The following TBC1D30 variants were observed in gnomAD, a reference collection of about 807,000 sequenced individuals.
TBC1D30 encodes TBC1 domain family member 30, also known as TBC1 domain family, member 30.
In TBC1D30, 31 loss-of-function variants were observed where a neutral mutation model predicts 63.2. The ratio of observed to expected loss-of-function variants is 0.49; its 90% CI spans 0.37 to 0.66. The LOEUF (loss-of-function observed/expected upper bound fraction) is 0.66. Ranked by LOEUF, TBC1D30 falls within the 30% of genes least tolerant of loss-of-function variation. The pLI, the probability that TBC1D30 is intolerant of heterozygous loss-of-function variation, is 0.00. For synonymous variants in TBC1D30, 307 were observed against 361.5 expected, an observed-to-expected ratio of 0.85 and a Z score of 1.71; for missense variants, 810 against 953.6, an observed-to-expected ratio of 0.85 and a Z score of 1.98.
chr12:64,764,261 A>G (rs776272812), intron 1 of TBC1D30, among the ~76,000 whole-genome samples: 7 of 152,090 alleles, frequency 4.6e-5, no homozygotes, highest in Non-Finnish European at 8.8e-5. Context: ...AATTTTTTCC[A>G]TAAATTGTTT....
At chr12:64,865,254 TG>T (rs761628363) in intron 9 of TBC1D30, among the ~76,000 whole-genome samples, 1 of 147,346 alleles carries the variant, frequency 6.8e-6, no homozygotes. Context: ...TCATACTAGA[TG>T]CCAGGGTAAA....
At position 64,828,445 on chromosome 12, in the gene TBC1D30, G is replaced by A; in HGVS notation, c.218G>A (p.Trp73Ter). ...PSLGQNGFQQWYDALKAVARL... is the reference protein window; with the variant it reads ...PSLGQNGFQQ Reference sequence around the variant, plus strand: ...CTGGGATTTCTTCTTTGTTCCTAGTGGTACGATGCTCTCAAGGCAGTTGCC... The same window carrying A: ...CTGGGATTTCTTCTTTGTTCCTAGTAGTACGATGCTCTCAAGGCAGTTGCC... Residue 73 changes from tryptophan to a stop codon, truncating the protein, a stop_gained and splice_region_variant, in exon 3 of 12, where the codon TGG becomes TAG. Coordinates refer to ENST00000539867, the MANE Select transcript of TBC1D30 (RefSeq NM_015279.2). LOFTEE classifies it high-confidence loss of function. 6.5e-7 allele frequency: 1 copy of A among 1,535,332 alleles called. No individual in the cohort carries two copies. The highest frequency in any genetic ancestry group is 8.7e-7 in the Non-Finnish European group (1 of 1,146,304).
chr12:64,849,194 G>T (rs948105362), intron 8 of TBC1D30, among the ~76,000 whole-genome samples: 1 of 152,168 alleles, frequency 6.6e-6, no homozygotes, highest in African/African-American at 2.4e-5. Context: ...CAAATGGATA[G>T]ATTACAAAAG....
At chr12:64,777,211 C>T (rs1871106634), upstream of TBC1D30, among the ~76,000 whole-genome samples, 1 of 152,106 alleles carries the variant, frequency 6.6e-6, no homozygotes, top group East Asian at 1.9e-4. Context: ...ACAAGGATGC[C>T]CTCTCCCACT....
In TBC1D30 at chr12:64,838,811, A is replaced by T; in HGVS notation, c.892A>T (p.Ile298Phe). Residue 298 changes from isoleucine to phenylalanine, a missense_variant, in exon 7 of 12, where the codon ATC becomes TTC. Ile to Phe is a conservative substitution (Grantham distance 21, BLOSUM62 0). Around this residue, in one of 4 missense-constraint regions of TBC1D30, gnomAD observed 83 missense variants for 121.5 expected, o/e 0.68. Transcript: ENST00000539867. ...DSVFFEGSEI[I>F]LRVSLAIWAK... ...AGTCTTCTTTGAAGGTTCAGAAATCATCCTAAGGGTGTCGCTGGCTATCTG... is the reference window on the plus strand; with the variant it reads ...AGTCTTCTTTGAAGGTTCAGAAATCTTCCTAAGGGTGTCGCTGGCTATCTG... 6.5e-7 allele frequency: 1 copy of T among 1,536,170 alleles called. No homozygotes were observed. The highest frequency in any genetic ancestry group is 1.2e-5 in the South Asian group (1 of 84,060).
chr12:64,774,052 ACAT>A, intron 1 of TBC1D30, among the ~76,000 whole-genome samples: 1 of 152,332 alleles, frequency 6.6e-6, no homozygotes, highest in South Asian at 2.1e-4. Flanking sequence ...TCATGATAAA[ACAT>A]CATAGGAGCT....
At chr12:64,798,920 C>G (rs1436530802) in intron 2 of TBC1D30, among the ~76,000 whole-genome samples, 1 of 151,264 alleles carries the variant, frequency 6.6e-6, no homozygotes, top group East Asian at 1.9e-4. Context: ...TCACGCCACT[C>G]TCCTGGCTCA....
intron 7 of TBC1D30, among the ~76,000 whole-genome samples, chr12:64,842,920 A>T (rs1876008926): frequency 6.6e-6 from 1 of 152,154 alleles, no homozygotes; most frequent in South Asian, 2.1e-4. Context: ...GGTATTTTTA[A>T]ATGTTTCATC....
In TBC1D30 at chr12:64,866,631, G is replaced by C. The variant is rs1033054061; in HGVS notation, c.1152-133G>C. The stretch of plus-strand genomic sequence containing the variant: ...TTTTATATATTTTTAGCAGAGATGG[G>C]GTTTCACAATGTTAATTATATGTAA... On this transcript the variant is annotated intron_variant, in intron 9 of 11. Transcript: ENST00000539867. 3 of 867,214 alleles carry C rather than the reference G, an allele frequency of 3.5e-6. No homozygotes were observed. The African/African-American group carries it at 5.1e-5, about 15-fold the overall frequency. 53.7% of individuals were successfully genotyped at this position (867,214 alleles called of 1,614,324 possible).
Position 64,830,445 on chromosome 12 carries a change from C to T in TBC1D30, c.351C>T (p.Phe117=), listed in dbSNP as rs770533034. ...IAIDWDKTMR[F]TFNERSNPDD... ...TTGACTGGGACAAAACCATGCGCTT[C>T]ACTTTCAATGAAAGGAGTAATCCTG... is the stretch of plus-strand genomic sequence containing the variant. The change falls in exon 4 of 12, where the codon TTC becomes TTT. Residue 117 remains phenylalanine (F), a synonymous_variant. Transcript: ENST00000539867. 1 of 1,535,630 alleles carries T rather than the reference C, an allele frequency of 6.5e-7. No individual in the cohort carries two copies. Among genetic ancestry groups the T allele is most frequent in the South Asian group, 1.2e-5 (1 of 83,994 alleles).
intron 8 of TBC1D30, among the ~76,000 whole-genome samples, chr12:64,856,259 G>A (rs1056389648): frequency 1.3e-5 from 2 of 152,192 alleles, no homozygotes; most frequent in Non-Finnish European, 2.9e-5. Flanking sequence ...AATGGCTCAA[G>A]CCATTCATGA....
chr12:64,785,010 C>A (rs1871481678), intron 1 of TBC1D30, among the ~76,000 whole-genome samples: 1 of 151,952 alleles, frequency 6.6e-6, no homozygotes, highest in South Asian at 2.1e-4. Flanking sequence ...ACCTCTAAGA[C>A]AAAATGTTTT....
intron 2 of TBC1D30, among the ~76,000 whole-genome samples, chr12:64,786,575 A>T (rs1871597639): frequency 6.6e-6 from 1 of 152,082 alleles, no homozygotes. Flanking sequence ...TCCTGATCTC[A>T]GGTGATTCAC....
rs758783033 is a variant in TBC1D30 at position 64,828,456 on chromosome 12, C to T, written c.229C>T (p.Leu77Phe). 2.0e-6 allele frequency: 3 copies of T among 1,535,686 alleles called. No homozygotes were observed. In the South Asian group the frequency reaches 3.6e-5, roughly 18 times the overall value. The change falls in exon 3 of 12, where the codon CTC (leucine) becomes TTC (phenylalanine). Residue 77 changes from leucine to phenylalanine, a missense_variant. Physicochemically the swap from Leu to Phe is conservative, Grantham distance 22 (BLOSUM62 0). Transcript: ENST00000539867. ...TCTTTGTTCCTAGTGGTACGATGCT[C>T]TCAAGGCAGTTGCCAGGCTATCCAC... ...QNGFQQWYDA[L>F]KAVARLSTGI...
At chr12:64,836,691 A>C in intron 6 of TBC1D30, 33 bp downstream of exon 6, 1 of 1,506,722 alleles carries the variant, frequency 6.6e-7, no homozygotes, top group South Asian at 1.2e-5. Context: ...CTCTGAAAAT[A>C]TTTGTCTTCT....
chr12:64,849,850 A>ATG (rs1876712839), intron 8 of TBC1D30, among the ~76,000 whole-genome samples: 1 of 152,198 alleles, frequency 6.6e-6, no homozygotes, highest in Non-Finnish European at 1.5e-5. Context: ...TTGAATCTGT[A>ATG]AATTACTTTG....
At chr12:64,858,538 C>T (rs1877505949) in intron 8 of TBC1D30, among the ~76,000 whole-genome samples, 1 of 152,120 alleles carries the variant, frequency 6.6e-6, no homozygotes, top group African/African-American at 2.4e-5. Flanking sequence ...TCCCTTTTGG[C>T]CCAGGGTGTG....
intron 2 of TBC1D30, among the ~76,000 whole-genome samples, chr12:64,786,583 C>T (rs1871598631): frequency 6.6e-6 from 1 of 152,042 alleles, no homozygotes; most frequent in Non-Finnish European, 1.5e-5. Context: ...TCAGGTGATT[C>T]ACCCTTCTTG....
At chr12:64,765,535 C>T (rs967319568) in intron 1 of TBC1D30, among the ~76,000 whole-genome samples, 41 of 141,012 alleles carry the variant, frequency 2.9e-4, no homozygotes, top group Non-Finnish European at 4.9e-4. Context: ...TATATAGGCT[C>T]CCAAACAGGA....
Sources: allele counts gnomAD v4.1 joint callset (sites outside exome capture counted in the v4.1 genomes callset), GRCh38; gene constraint gnomAD v4.1.1; regional missense constraint gnomAD v4.1.1; transcripts MANE v1.5; gene names NCBI Gene and HGNC (gene_info 2026-07-23, HGNC 2026-07-21).